The following TSPAN19 variants were observed in gnomAD, a reference collection of about 807,000 sequenced individuals.
TSPAN19 encodes tetraspanin 19, also known as tetraspanin-19.
TSPAN19 carries 44 observed loss-of-function variants against 35.1 expected under a neutral mutation model. The ratio of observed to expected loss-of-function variants is 1.25; its 90% confidence interval spans 0.98 to 1.61. The LOEUF is 1.61. Ranked by LOEUF, TSPAN19 falls within the 40% of genes most tolerant of loss-of-function variation. The probability of loss-of-function intolerance (pLI) is 0.00; values close to 1 mark genes in which losing one functional copy is unlikely to be tolerated. For synonymous variants in TSPAN19, 79 were observed against 92.0 expected, an observed-to-expected ratio of 0.86 and a Z score of 0.81; for missense variants, 290 against 280.0, an observed-to-expected ratio of 1.04 and a Z score of -0.26.
intron 5 of TSPAN19, among the ~76,000 whole-genome samples, chr12:85,022,391 G>A (rs1877175394): frequency 6.6e-6 from 1 of 152,098 alleles, no homozygotes; most frequent in Non-Finnish European, 1.5e-5. Flanking sequence ...GGCCATTACA[G>A]AAGAGTATAG....
intron 4 of TSPAN19, 96 bp downstream of exon 4, chr12:85,027,803 G>T: frequency 5.0e-6 from 6 of 1,204,168 alleles, no homozygotes; most frequent in Non-Finnish European, 6.9e-6. Flanking sequence ...ATACTCTACT[G>T]CAGTGCCATG....
intron 4 of TSPAN19, among the ~76,000 whole-genome samples, chr12:85,026,803 C>T (rs1190860254): frequency 6.6e-6 from 1 of 151,932 alleles, no homozygotes; most frequent in Non-Finnish European, 1.5e-5. Flanking sequence ...CATGGCCATT[C>T]AAAGAGCAGA....
intron 5 of TSPAN19, 113 bp downstream of exon 5, chr12:85,023,213 G>A: frequency 1.1e-6 from 1 of 892,294 alleles, no homozygotes; most frequent in Non-Finnish European, 1.7e-6. Context: ...TTCCCCTAAA[G>A]AAATTTACCT....
chr12:85,015,028 A>T (rs1876715827), intron 8 of TSPAN19: 1 of 152,170 alleles, frequency 6.6e-6, no homozygotes, highest in Non-Finnish European at 1.5e-5. Context: ...TAGAGAATAA[A>T]CATTTAAAAA....
In TSPAN19 at chr12:85,017,528, C is replaced by T; in HGVS notation, c.522G>A (p.Val174=). The change falls in exon 7 of 9, where the codon GTG becomes GTA. Residue 174 remains valine, a synonymous_variant. Coordinates refer to ENST00000532498, the MANE Select transcript of TSPAN19 (RefSeq NM_001100917.2). ...KNKNKENSGQ[V]PCSCTKSTLR... ...AAGTTGACTTTGTGCAAGAACATGGCACCTGTCCTGAATTTTCTTTGTTCT... is the reference window on the plus strand; with the variant it reads ...AAGTTGACTTTGTGCAAGAACATGGTACCTGTCCTGAATTTTCTTTGTTCT... 1 of 1,603,236 alleles carries T rather than the reference C, an allele frequency of 6.2e-7. No individual in the cohort carries two copies. Among genetic ancestry groups the T allele is most frequent in the Non-Finnish European group, 8.5e-7 (1 of 1,173,928 alleles).
At chr12:85,030,204 G>A (rs1417113255) in intron 1 of TSPAN19, among the ~76,000 whole-genome samples, 3 of 152,068 alleles carry the variant, frequency 2.0e-5, no homozygotes, top group Non-Finnish European at 4.4e-5. Flanking sequence ...TATCTGCAAT[G>A]CTTTGACTAG....
At chr12:85,021,734 A>G (rs144485379) in intron 5 of TSPAN19, among the ~76,000 whole-genome samples, 1 of 152,132 alleles carries the variant, frequency 6.6e-6, no homozygotes, top group African/African-American at 2.4e-5. Context: ...AACTTAATCC[A>G]GTTTGAATGC....
chr12:85,030,017 T>C, intron 1 of TSPAN19, 44 bp from the exon 2 acceptor site: 1 of 1,292,372 alleles, frequency 7.7e-7, no homozygotes, highest in Non-Finnish European at 1.0e-6. Flanking sequence ...ACACAACAAC[T>C]TTAAATATTT....
chr12:85,020,658 G>A (rs1221804234), intron 5 of TSPAN19, among the ~76,000 whole-genome samples: 1 of 152,078 alleles, frequency 6.6e-6, no homozygotes, highest in East Asian at 1.9e-4. Context: ...TATAGCATCA[G>A]ATCCTCATTC....
chr12:85,017,655 T>C, intron 6 of TSPAN19, 56 bp from the exon 7 acceptor site: 2 of 1,357,864 alleles, frequency 1.5e-6, no homozygotes, highest in Non-Finnish European at 9.9e-7. Context: ...CAGTTAATTA[T>C]ATGAGATTAA....
chr12:85,030,120 A>C, intron 1 of TSPAN19, 147 bp from the exon 2 acceptor site: 1 of 657,140 alleles, frequency 1.5e-6, no homozygotes, highest in Non-Finnish European at 2.2e-6. Context: ...GATTTATTGA[A>C]GGTATCTTGA....
chr12:85,016,474 A>C (rs1426914592), intron 7 of TSPAN19: 1 of 152,012 alleles, frequency 6.6e-6, no homozygotes, highest in Middle Eastern at 3.2e-3. Flanking sequence ...CTATTCTTAC[A>C]CTTTGGGGTC....
chr12:85,030,842 T>C (rs969918664), intron 1 of TSPAN19, among the ~76,000 whole-genome samples: 1 of 152,124 alleles, frequency 6.6e-6, no homozygotes, highest in African/African-American at 2.4e-5. Flanking sequence ...ATCTTGAGTA[T>C]GTTCCCAGAT....
chr12:85,029,887 A>C lies in TSPAN19; in HGVS notation c.60T>G (p.Ala20=). The change falls in exon 2 of 9, where the codon GCT becomes GCG. Residue 20 remains alanine, a synonymous_variant. Transcript: ENST00000532498. ...TAATTATGAAGATTCTTACCAAGAAAGCTCCATTAATGAGATTAAGAAAGT... is the reference window on the plus strand; with the variant it reads ...TAATTATGAAGATTCTTACCAAGAACGCTCCATTAATGAGATTAAGAAAGT... ...IKYFLNLING[A]FLVLGLLFMG... The C allele has an allele frequency of 6.7e-7, 1 of 1,490,558 alleles. No homozygotes were observed. Among genetic ancestry groups the C allele is most frequent in the African/African-American group, 1.4e-5 (1 of 70,960 alleles). 92.3% of individuals were successfully genotyped at this position (1,490,558 alleles called of 1,614,324 possible).
intron 1 of TSPAN19, among the ~76,000 whole-genome samples, chr12:85,031,998 CT>C (rs1179014555): frequency 6.6e-6 from 1 of 151,918 alleles, no homozygotes; most frequent in Non-Finnish European, 1.5e-5. Flanking sequence ...ATATGCTTTA[CT>C]GTGGAAAAGA....
intron 1 of TSPAN19, among the ~76,000 whole-genome samples, chr12:85,031,889 G>T (rs1045009074): frequency 9.9e-5 from 15 of 152,096 alleles, no homozygotes; most frequent in African/African-American, 2.9e-4. Context: ...ATAAAGAAAA[G>T]AAAATAGGGT....
At chr12:85,025,950 T>C (rs1201196906) in intron 4 of TSPAN19, among the ~76,000 whole-genome samples, 1 of 152,180 alleles carries the variant, frequency 6.6e-6, no homozygotes, top group Non-Finnish European at 1.5e-5. Context: ...ATAGCAAAAG[T>C]GTCACAATGG....
At chr12:85,035,099 G>C (rs910163496) in intron 1 of TSPAN19, 2 of 151,874 alleles carry the variant, frequency 1.3e-5, no homozygotes, top group African/African-American at 4.8e-5. Flanking sequence ...TATTTTAAAT[G>C]AACAGTTTGA....
intron 1 of TSPAN19, among the ~76,000 whole-genome samples, chr12:85,032,132 A>G (rs1262867574): frequency 6.6e-6 from 1 of 152,156 alleles, no homozygotes; most frequent in South Asian, 2.1e-4. Context: ...ATATTTCATG[A>G]TTAAATTTGA....
Sources: allele counts gnomAD v4.1 joint callset (sites outside exome capture counted in the v4.1 genomes callset), GRCh38; gene constraint gnomAD v4.1.1; transcripts MANE v1.5; gene names NCBI Gene and HGNC (gene_info 2026-07-23, HGNC 2026-07-21).